Variants in MKLN1 observed in about 807,000 individuals in gnomAD.
MKLN1 encodes muskelin.
MKLN1 carries 18 observed loss-of-function variants against 99.0 expected under a neutral mutation model. The observed-to-expected ratio is 0.18, with a 90% CI of 0.13 to 0.27. MKLN1 has a LOEUF of 0.27. Ranked by LOEUF, MKLN1 falls within the 10% of genes least tolerant of loss-of-function variation. The pLI, the probability that MKLN1 is intolerant of heterozygous loss-of-function variation, is 1.00. For missense variants in MKLN1, 621 were observed against 875.9 expected (o/e 0.71, Z 3.67); for synonymous variants, 288 against 293.2 (o/e 0.98, Z 0.18).
At chr7:131,391,893 A>T (rs1412224126) in intron 4 of MKLN1, among the ~76,000 whole-genome samples, 1 of 152,204 alleles carries the variant, frequency 6.6e-6, no homozygotes, top group East Asian at 1.9e-4. Flanking sequence ...TACATGTAGT[A>T]TTCTAGGGAC....
At chr7:131,464,463 C>A in intron 14 of MKLN1, 55 bp downstream of exon 14, 2 of 972,176 alleles carry the variant, frequency 2.1e-6, no homozygotes, top group Non-Finnish European at 3.2e-6. Context: ...CTGAAACAAT[C>A]CCCAAATATA....
intron 14 of MKLN1, among the ~76,000 whole-genome samples, chr7:131,464,673 A>G (rs1796609637): frequency 6.6e-6 from 1 of 152,220 alleles, no homozygotes; most frequent in Non-Finnish European, 1.5e-5. Flanking sequence ...ATCTAGATAC[A>G]TGACATAGCC....
intron 1 of MKLN1, among the ~76,000 whole-genome samples, chr7:131,328,400 G>A (rs1479589474): frequency 6.6e-6 from 1 of 152,220 alleles, no homozygotes; most frequent in Non-Finnish European, 1.5e-5. Context: ...GAGGTGGTCG[G>A]CGTCGGGGGA....
intron 3 of MKLN1, among the ~76,000 whole-genome samples, chr7:131,301,455 T>G (rs933507146): frequency 2.0e-5 from 3 of 152,196 alleles, no homozygotes; most frequent in Non-Finnish European, 4.4e-5. Flanking sequence ...GTCATCAACA[T>G]AAGAAAGGTC....
chr7:131,235,721 C>A (rs1797311557), intron 3 of MKLN1, among the ~76,000 whole-genome samples: 1 of 152,168 alleles, frequency 6.6e-6, no homozygotes, highest in Admixed American at 6.5e-5. Context: ...TTCTGTTGGC[C>A]TGTCGGCTTG....
intron 3 of MKLN1, among the ~76,000 whole-genome samples, chr7:131,207,747 T>G (rs984781855): frequency 6.6e-6 from 1 of 152,036 alleles, no homozygotes; most frequent in Admixed American, 6.6e-5. Context: ...ATTGCAAAGG[T>G]CTGGAAAAGG....
chr7:131,144,996 CACAACA>C (rs750299622), intron 2 of MKLN1, among the ~76,000 whole-genome samples: 1 of 151,616 alleles, frequency 6.6e-6, no homozygotes, highest in Non-Finnish European at 1.5e-5. Flanking sequence ...CAACAACAAC[CACAACA>C]ACAACAACAA....
chr7:131,161,361 A>G (rs948519667), intron 2 of MKLN1, among the ~76,000 whole-genome samples: 5 of 152,176 alleles, frequency 3.3e-5, no homozygotes, highest in Non-Finnish European at 7.3e-5. Context: ...AGCGCTTGAA[A>G]TATGGTTAGT....
chr7:131,144,699 C>G (rs769537883), intron 2 of MKLN1, among the ~76,000 whole-genome samples: 16 of 151,298 alleles, frequency 1.1e-4, no homozygotes, highest in African/African-American at 3.9e-4. Context: ...TGATGCAGGC[C>G]GGGTACAGTG....
intron 3 of MKLN1, among the ~76,000 whole-genome samples, chr7:131,216,267 A>T: frequency 6.6e-6 from 1 of 151,874 alleles, no homozygotes; most frequent in East Asian, 1.9e-4. Flanking sequence ...CTGAAAATAC[A>T]AAAAATACAG....
rs1797441909 is a variant in MKLN1, at chr7:131,492,188, C to T, written c.*4460C>T. The T allele has an allele frequency of 1.3e-5, 2 of 152,126 alleles. No individual in the cohort carries two copies. The highest frequency in any genetic ancestry group is 2.4e-5 in the African/African-American group (1 of 41,440). 9.4% of individuals were successfully genotyped at this position (152,126 alleles called of 1,614,324 possible). A position where few individuals can be genotyped will look rare whatever the true frequency, so the allele number is the denominator to read the frequency against. On this transcript the variant is annotated 3_prime_UTR_variant, in exon 18 of 18. Coordinates refer to ENST00000352689, the MANE Select transcript of MKLN1 (RefSeq NM_013255.5). The stretch of plus-strand genomic sequence containing the variant: ...AGAGTTCCTGAATTCAGCATATCAT[C>T]AGAATTTCCATTTACCTTTTGTCTT...
At chr7:131,192,078 C>CGTAT (rs200259087) in intron 2 of MKLN1, among the ~76,000 whole-genome samples, 3,179 of 83,910 alleles carry the variant, frequency 0.038, 393 homozygotes, top group African/African-American at 0.098. Flanking sequence ...TATATATATA[C>CGTAT]ATATATATTA....
intron 1 of MKLN1, among the ~76,000 whole-genome samples, chr7:131,330,674 T>C (rs1452457285): frequency 6.6e-6 from 1 of 152,180 alleles, no homozygotes; most frequent in African/African-American, 2.4e-5. Context: ...GCTCTTGTAT[T>C]AAAGGCACTT....
At chr7:131,253,572 G>T (rs915622568) in intron 3 of MKLN1, among the ~76,000 whole-genome samples, 1 of 152,138 alleles carries the variant, frequency 6.6e-6, no homozygotes. Flanking sequence ...AAGTCAAGAA[G>T]ACCAGAGACC....
chr7:131,443,778 A>C, intron 11 of MKLN1, 76 bp downstream of exon 11: 2 of 1,118,620 alleles, frequency 1.8e-6, no homozygotes, highest in Non-Finnish European at 2.7e-6. Context: ...GGTGAAATCT[A>C]ATTCTTTAGG....
chr7:131,264,120 G>A (rs1301053032), intron 3 of MKLN1, among the ~76,000 whole-genome samples: 2 of 152,102 alleles, frequency 1.3e-5, no homozygotes, highest in African/African-American at 4.8e-5. Context: ...CCAGTAAGAA[G>A]GTACTCTGAA....
rs561738216 is a variant in MKLN1, at chr7:131,487,900, C to T, written c.*172C>T. ...CTCTTCCTTCATGCCTGACCTCAACCCCGCTCTCCTCATCCTATTCCTAAA... is the reference window on the plus strand; with the variant it reads ...CTCTTCCTTCATGCCTGACCTCAACTCCGCTCTCCTCATCCTATTCCTAAA... On this transcript the variant is annotated 3_prime_UTR_variant, in exon 18 of 18. Coordinates refer to ENST00000352689, the MANE Select transcript of MKLN1 (RefSeq NM_013255.5). This position sits in a 1 kb window ranked among gnomAD's most constrained non-coding sequence, Gnocchi z 4.7. 4 of 550,820 alleles carry T rather than the reference C, an allele frequency of 7.3e-6. No individual in the cohort carries two copies. The highest frequency in any genetic ancestry group is 5.9e-5 in the African/African-American group (3 of 51,194). 34.1% of individuals were successfully genotyped at this position (550,820 alleles called of 1,614,324 possible).
At chr7:131,194,702 C>G (rs1292238614) in intron 2 of MKLN1, among the ~76,000 whole-genome samples, 2 of 152,218 alleles carry the variant, frequency 1.3e-5, no homozygotes, top group African/African-American at 2.4e-5. Flanking sequence ...AACAACTTCA[C>G]AGAGCTTGAT....
intron 3 of MKLN1, among the ~76,000 whole-genome samples, chr7:131,204,122 C>A (rs1193507290): frequency 6.6e-6 from 1 of 152,166 alleles, no homozygotes; most frequent in African/African-American, 2.4e-5. Flanking sequence ...CTTCCCCAGA[C>A]CGCCTTGTTT....
Sources: gnomAD v4.1 joint callset for allele counts (sites outside exome capture counted in the v4.1 genomes callset) on GRCh38, gnomAD v4.1.1 for gene constraint, Gnocchi (gnomAD v3.1) non-coding constraint, MANE v1.5 for transcripts, NCBI Gene and HGNC (gene_info 2026-07-23, HGNC 2026-07-21) for gene names.